The following FAF1 variants were observed in gnomAD, a reference collection of about 807,000 sequenced individuals.
The protein encoded by FAF1 is FAS-associated factor 1.
In FAF1, 25 loss-of-function variants were observed where a neutral mutation model predicts 92.5. The ratio of observed to expected loss-of-function variants is 0.27; its 90% CI spans 0.20 to 0.38. The LOEUF (loss-of-function observed/expected upper bound fraction) is 0.38, where lower values mean the gene tolerates loss of function less well. Ranked by LOEUF, FAF1 falls within the 10% of genes least tolerant of loss-of-function variation. FAF1 has a pLI of 1.00. For synonymous variants in FAF1, 234 were observed against 273.2 expected, an observed-to-expected ratio of 0.86 and a Z score of 1.42; for missense variants, 636 against 793.3, an observed-to-expected ratio of 0.80 and a Z score of 2.38.
chr1:50,566,993 T>C (rs1650203527), intron 13 of FAF1, 84 bp downstream of exon 13: 4 of 1,072,876 alleles, frequency 3.7e-6, no homozygotes, highest in African/African-American at 3.2e-5. Flanking sequence ...ATGCTGAGGA[T>C]GAAAAATGTT....
At chr1:50,922,316 G>A (rs866467472) in intron 1 of FAF1, among the ~76,000 whole-genome samples, 32 of 151,570 alleles carry the variant, frequency 2.1e-4, no homozygotes, top group African/African-American at 7.3e-4. Context: ...AAAATTAGCT[G>A]AGCGTGGTGG....
At chr1:50,868,217 T>C (rs1169102028) in intron 1 of FAF1, among the ~76,000 whole-genome samples, 4 of 152,124 alleles carry the variant, frequency 2.6e-5, no homozygotes, top group Admixed American at 2.6e-4. Flanking sequence ...GACTACACAT[T>C]GTGTACAGTA....
chr1:50,554,809 G>A (rs1258998165), intron 13 of FAF1, among the ~76,000 whole-genome samples: 1 of 152,070 alleles, frequency 6.6e-6, no homozygotes, highest in East Asian at 1.9e-4. Flanking sequence ...GGTCAAATAG[G>A]TGAGTCACTC....
chr1:50,503,105 C>T (rs1456413706), intron 15 of FAF1, among the ~76,000 whole-genome samples: 1 of 152,106 alleles, frequency 6.6e-6, no homozygotes. Context: ...TCCTGAGTAG[C>T]TGGGATTACA....
chr1:50,930,641 C>G (rs989132919), intron 1 of FAF1, among the ~76,000 whole-genome samples: 1 of 152,144 alleles, frequency 6.6e-6, no homozygotes, highest in African/African-American at 2.4e-5. Context: ...CGAGACCATC[C>G]TGGCTAACAC....
At chr1:50,598,403 A>C (rs998213191) in intron 8 of FAF1, among the ~76,000 whole-genome samples, 1 of 151,016 alleles carries the variant, frequency 6.6e-6, no homozygotes, top group Non-Finnish European at 1.5e-5. Flanking sequence ...TCAAGGCTGC[A>C]GAGAACTGAG....
In FAF1 at chr1:50,596,104, C is replaced by A; in HGVS notation, c.840+17G>T. On this transcript the variant is annotated intron_variant, in intron 9 of 18. Coordinates refer to ENST00000396153, the MANE Select transcript of FAF1 (RefSeq NM_007051.3). ...GATGGGCCTTCTGTTCAAAGAAAAG[C>A]TGGCAAACAGGCTTACTTCTTCCGA... The A allele has an allele frequency of 6.3e-7, 1 of 1,591,622 alleles. No homozygotes were observed. Among genetic ancestry groups the A allele is most frequent in the South Asian group, 1.1e-5 (1 of 89,322 alleles).
chr1:50,498,857 A>AT (rs1646942011), intron 15 of FAF1, among the ~76,000 whole-genome samples: 1 of 152,032 alleles, frequency 6.6e-6, no homozygotes, highest in African/African-American at 2.4e-5. Context: ...CTCAAAAAAA[A>AT]AAAAAAAGAA....
chr1:50,850,419 A>G (rs1018440643), intron 2 of FAF1, among the ~76,000 whole-genome samples: 20 of 152,150 alleles, frequency 1.3e-4, no homozygotes, highest in Non-Finnish European at 7.4e-5. Context: ...TAACTAAAGC[A>G]GATGTATGTA....
intron 1 of FAF1, among the ~76,000 whole-genome samples, chr1:50,909,216 G>A (rs1644864116): frequency 6.6e-6 from 1 of 152,176 alleles, no homozygotes; most frequent in Non-Finnish European, 1.5e-5. Context: ...ACTCTCTTCT[G>A]GCTGGTAGAG....
intron 1 of FAF1, among the ~76,000 whole-genome samples, chr1:50,918,342 C>A (rs1358967459): frequency 1.0e-5 from 1 of 96,524 alleles, no homozygotes; most frequent in Non-Finnish European, 2.0e-5. Flanking sequence ...TCCCTCCCCC[C>A]TCCCCCGACC....
At chr1:50,789,381 T>C (rs1270828586) in intron 3 of FAF1, among the ~76,000 whole-genome samples, 1 of 152,168 alleles carries the variant, frequency 6.6e-6, no homozygotes, top group Non-Finnish European at 1.5e-5. Context: ...CCCAACTCAG[T>C]ATGTCCACAG....
chr1:50,760,257 T>C (rs1569899783), intron 4 of FAF1, among the ~76,000 whole-genome samples: 1 of 152,218 alleles, frequency 6.6e-6, no homozygotes, highest in South Asian at 2.1e-4. Context: ...AACACCCCAC[T>C]GTCAACATTA....
At chr1:50,939,298 T>C (rs1021802383) in intron 1 of FAF1, among the ~76,000 whole-genome samples, 2 of 152,222 alleles carry the variant, frequency 1.3e-5, no homozygotes, top group African/African-American at 4.8e-5. Flanking sequence ...TTAACTGTAT[T>C]CATAGGTATT....
chr1:50,752,225 C>T (rs1659897990), intron 4 of FAF1, among the ~76,000 whole-genome samples: 1 of 151,986 alleles, frequency 6.6e-6, no homozygotes, highest in African/African-American at 2.4e-5. Flanking sequence ...CCCACCTTGG[C>T]CTCCCCAAAG....
intron 15 of FAF1, among the ~76,000 whole-genome samples, chr1:50,493,417 A>C (rs988335789): frequency 1.3e-5 from 2 of 152,164 alleles, no homozygotes; most frequent in African/African-American, 4.8e-5. Context: ...TAATCAACCA[A>C]CTATGAGAGT....
intron 4 of FAF1, among the ~76,000 whole-genome samples, chr1:50,782,960 G>A (rs1661232152): frequency 6.7e-6 from 1 of 150,082 alleles, no homozygotes; most frequent in South Asian, 2.1e-4. Context: ...GAAATAATAG[G>A]AAAAAAATCA....
intron 7 of FAF1, among the ~76,000 whole-genome samples, chr1:50,676,324 T>C (rs1296692932): frequency 6.6e-6 from 1 of 151,484 alleles, no homozygotes; most frequent in African/African-American, 2.4e-5. Flanking sequence ...GGAGAATTGC[T>C]TGAACCCAGG....
At chr1:50,952,802 G>A (rs190062210) in intron 1 of FAF1, among the ~76,000 whole-genome samples, 7,717 of 150,312 alleles carry the variant, frequency 0.051, 271 homozygotes, top group Non-Finnish European at 0.074. Context: ...CGGCCGCCCC[G>A]TCTGGGAAGC....
Sources: allele counts gnomAD v4.1 joint callset (sites outside exome capture counted in the v4.1 genomes callset), GRCh38; gene constraint gnomAD v4.1.1; transcripts MANE v1.5; gene names NCBI Gene and HGNC (gene_info 2026-07-23, HGNC 2026-07-21).